Variants in STARD13 observed in about 807,000 individuals in gnomAD.
The protein encoded by STARD13 is StAR related lipid transfer domain containing 13.
In STARD13, 62 loss-of-function variants were observed where a neutral mutation model predicts 106.4. The ratio of observed to expected loss-of-function variants is 0.58; its 90% CI spans 0.48 to 0.72. STARD13 has a LOEUF of 0.72. Ranked by LOEUF, STARD13 falls within the 30% of genes least tolerant of loss-of-function variation. The pLI, the probability that STARD13 is intolerant of heterozygous loss-of-function variation, is 0.00. For missense variants in STARD13, 1,387 were observed against 1,424.0 expected, an observed-to-expected ratio of 0.97 and a Z score of 0.42; for synonymous variants, 565 against 553.0, an observed-to-expected ratio of 1.02 and a Z score of -0.31.
intron 1 of STARD13, among the ~76,000 whole-genome samples, chr13:33,236,649 G>A (rs1889204447): frequency 6.6e-6 from 1 of 152,142 alleles, no homozygotes. Flanking sequence ...GTGGATACAG[G>A]GGAAGAGCAA....
chr13:33,542,731 C>T, the STARD13 span, among the ~76,000 whole-genome samples: 4 of 152,324 alleles, frequency 2.6e-5, no homozygotes, highest in South Asian at 4.1e-4. Flanking sequence ...AGGCTGGTTG[C>T]AGCGCACATT....
chr13:33,644,160 G>A, the STARD13 span, among the ~76,000 whole-genome samples: 1 of 152,216 alleles, frequency 6.6e-6, no homozygotes, highest in Non-Finnish European at 1.5e-5. Flanking sequence ...GGCAGTGCGG[G>A]AGAATCGGAG....
chr13:33,195,022 C>T (rs539946806), intron 1 of STARD13, among the ~76,000 whole-genome samples: 15 of 152,166 alleles, frequency 9.9e-5, no homozygotes, highest in Admixed American at 2.6e-4. Flanking sequence ...TGTGCAAGAA[C>T]TTTTATGAGA....
At chr13:33,296,143 C>CGCT (rs1014137122) in intron 1 of STARD13, among the ~76,000 whole-genome samples, 1 of 151,928 alleles carries the variant, frequency 6.6e-6, no homozygotes, top group African/African-American at 2.4e-5. Flanking sequence ...GCACAAGAAT[C>CGCT]GCTTGAACCC....
At chr13:33,496,951 T>G in the STARD13 span, among the ~76,000 whole-genome samples, 3 of 152,158 alleles carry the variant, frequency 2.0e-5, no homozygotes, top group African/African-American at 7.2e-5. Context: ...ACCGTTTTTC[T>G]CAACTGAACC....
the STARD13 span, among the ~76,000 whole-genome samples, chr13:33,370,817 C>T: frequency 6.6e-6 from 1 of 151,722 alleles, no homozygotes; most frequent in African/African-American, 2.4e-5. Flanking sequence ...AGACGGGTTT[C>T]ACCATGTTGG....
chr13:33,465,466 T>C, the STARD13 span, among the ~76,000 whole-genome samples: 2 of 152,324 alleles, frequency 1.3e-5, 1 homozygote, highest in African/African-American at 4.8e-5. Context: ...CCTCCCAAAG[T>C]GCTGGGATTC....
At chr13:33,177,841 G>A in intron 1 of STARD13, among the ~76,000 whole-genome samples, 7 of 20,424 alleles carry the variant, frequency 3.4e-4, no homozygotes, top group Non-Finnish European at 5.8e-4. Flanking sequence ...AGGAAGGAAG[G>A]AAAGGAAGGA....
intron 4 of STARD13, among the ~76,000 whole-genome samples, chr13:33,131,888 T>A (rs996586694): frequency 1.3e-5 from 2 of 152,148 alleles, no homozygotes; most frequent in Non-Finnish European, 2.9e-5. Flanking sequence ...ATAAAGAAGG[T>A]AGTGCATTCA....
At chr13:33,667,869 A>G in the STARD13 span, among the ~76,000 whole-genome samples, 1 of 152,244 alleles carries the variant, frequency 6.6e-6, no homozygotes, top group Non-Finnish European at 1.5e-5. Flanking sequence ...TCCTCTGTAC[A>G]TCATGAACCA....
chr13:33,576,774 A>G, the STARD13 span, among the ~76,000 whole-genome samples: 195 of 152,324 alleles, frequency 1.3e-3, 1 homozygote, highest in Admixed American at 2.4e-3. Flanking sequence ...ATATTACAAT[A>G]TTTAATTAGA....
chr13:33,526,326 A>G, the STARD13 span, among the ~76,000 whole-genome samples: 1 of 152,064 alleles, frequency 6.6e-6, no homozygotes, highest in African/African-American at 2.4e-5. Flanking sequence ...TTTTCTTTCA[A>G]GAAGATATTA....
At chr13:33,111,044 A>C (rs923331543) in intron 10 of STARD13, 137 bp from the exon 11 acceptor site, 8 of 698,128 alleles carry the variant, frequency 1.1e-5, no homozygotes, top group Non-Finnish European at 1.7e-5. Flanking sequence ...TGTTTTTCTA[A>C]GATCATTGCC....
At chr13:33,107,181 C>T (rs2858821) in intron 12 of STARD13, among the ~76,000 whole-genome samples, 123,358 of 152,170 alleles carry the variant, frequency 0.81, 50,188 homozygotes, top group African/African-American at 0.87. Context: ...AGATCTGCAT[C>T]TGGAATCCCC....
the STARD13 span, among the ~76,000 whole-genome samples, chr13:33,560,597 A>G: frequency 2.0e-5 from 3 of 151,570 alleles, no homozygotes; most frequent in Admixed American, 2.0e-4. Context: ...ATGAATTTGA[A>G]TGGGTTTTGG....
upstream of STARD13, among the ~76,000 whole-genome samples, chr13:33,353,615 C>T (rs1470728215): frequency 6.6e-6 from 1 of 152,196 alleles, no homozygotes; most frequent in Non-Finnish European, 1.5e-5. Context: ...TAGACGATTG[C>T]ATTGTGGATT....
the STARD13 span, among the ~76,000 whole-genome samples, chr13:33,632,636 T>C: frequency 1.3e-5 from 2 of 152,222 alleles, no homozygotes; most frequent in East Asian, 3.8e-4. Context: ...ATCACCAAAC[T>C]TGACCACTTC....
At chr13:33,348,424 C>T (rs1370748090), downstream of STARD13, among the ~76,000 whole-genome samples, 1 of 152,178 alleles carries the variant, frequency 6.6e-6, no homozygotes, top group Non-Finnish European at 1.5e-5. Flanking sequence ...CACTCTCTTC[C>T]TTCCCAGATC....
At chr13:33,328,235 C>T (rs1195322947) in intron 1 of STARD13, among the ~76,000 whole-genome samples, 2 of 152,078 alleles carry the variant, frequency 1.3e-5, no homozygotes, top group Non-Finnish European at 2.9e-5. Context: ...TATTCTAAAC[C>T]AATATGTTCA....
Sources: gnomAD v4.1 joint callset for allele counts (sites outside exome capture counted in the v4.1 genomes callset) on GRCh38, gnomAD v4.1.1 for gene constraint, MANE v1.5 for transcripts, NCBI Gene and HGNC (gene_info 2026-07-23, HGNC 2026-07-21) for gene names.